Variants in KCNK3 observed in about 807,000 individuals in gnomAD.
KCNK3 encodes potassium channel subfamily K member 3.
Under a neutral mutation model 27.3 loss-of-function variants are expected in KCNK3, and 9 were observed. That is an observed-to-expected ratio of 0.33 (90% confidence interval 0.20 to 0.57). KCNK3 has a LOEUF of 0.57. Ranked by LOEUF, KCNK3 falls within the 20% of genes least tolerant of loss-of-function variation. The pLI, the probability that KCNK3 is intolerant of heterozygous loss-of-function variation, is 0.87. For missense variants in KCNK3, 391 were observed against 577.7 expected (o/e 0.68, Z 3.31); for synonymous variants, 278 against 273.8 (o/e 1.02, Z -0.15).
At chr2:26,694,932 CACA>C (rs966069225) in intron 1 of KCNK3, among the ~76,000 whole-genome samples, 5 of 152,144 alleles carry the variant, frequency 3.3e-5, no homozygotes, top group African/African-American at 1.2e-4. Context: ...CTGCCTACCC[CACA>C]ACAAGGCATG....
chr2:26,694,811 T>A (rs1490949751), intron 1 of KCNK3, among the ~76,000 whole-genome samples: 2 of 152,116 alleles, frequency 1.3e-5, no homozygotes, highest in Non-Finnish European at 2.9e-5. Context: ...AGACTGAACA[T>A]CTTTGGACCC....
At chr2:26,705,734 C>T (rs1441232101) in intron 1 of KCNK3, among the ~76,000 whole-genome samples, 1 of 152,128 alleles carries the variant, frequency 6.6e-6, no homozygotes. Flanking sequence ...CCTTTGTCCA[C>T]ACCATCCCAC....
intron 1 of KCNK3, among the ~76,000 whole-genome samples, chr2:26,723,800 G>A (rs1018923627): frequency 2.0e-5 from 3 of 152,164 alleles, no homozygotes; most frequent in East Asian, 1.9e-4. Context: ...GAGAGGAGGC[G>A]GTATGGATAG....
intron 1 of KCNK3, among the ~76,000 whole-genome samples, chr2:26,707,892 C>T (rs949301606): frequency 2.0e-5 from 3 of 152,076 alleles, no homozygotes; most frequent in African/African-American, 4.8e-5. Context: ...AAGCAGTCCT[C>T]GAACTCAGGT....
At chr2:26,710,238 G>A (rs1408237408) in intron 1 of KCNK3, among the ~76,000 whole-genome samples, 1 of 152,210 alleles carries the variant, frequency 6.6e-6, no homozygotes, top group Non-Finnish European at 1.5e-5. Flanking sequence ...AAGAGCTTGG[G>A]GATCTTTGGG....
intron 1 of KCNK3, among the ~76,000 whole-genome samples, chr2:26,715,794 G>C (rs886675290): frequency 2.0e-5 from 3 of 152,182 alleles, no homozygotes; most frequent in African/African-American, 7.2e-5. Context: ...CCGGCCCCAG[G>C]TCCCTCACCC....
At chr2:26,706,887 G>T (rs551275700) in intron 1 of KCNK3, among the ~76,000 whole-genome samples, 1 of 152,122 alleles carries the variant, frequency 6.6e-6, no homozygotes, top group Admixed American at 6.5e-5. Flanking sequence ...AACCTGGGGC[G>T]AGTCATACCT....
rs958264503 is a variant in KCNK3, at chr2:26,721,333, A to G, written c.284-6334A>G. On this transcript the variant is annotated intron_variant, in intron 1 of 1. Transcript: ENST00000302909. This position sits in a 1 kb window ranked among gnomAD's most constrained non-coding sequence, Gnocchi z 4.3. Reference sequence around the variant, plus strand: ...TCGGGAAAGGCAGTGTCTGAGCTGCATCTCACAGGAGGAGGGAGAGCACCT... The same window carrying G: ...TCGGGAAAGGCAGTGTCTGAGCTGCGTCTCACAGGAGGAGGGAGAGCACCT... 2.6e-5 allele frequency among the ~76,000 whole-genome samples: 4 copies of G among 152,154 alleles called. No homozygotes were observed. Among genetic ancestry groups the G allele is most frequent in the African/African-American group, 9.6e-5 (4 of 41,506 alleles).
intron 1 of KCNK3, among the ~76,000 whole-genome samples, chr2:26,696,230 G>T (rs1392371029): frequency 6.6e-6 from 1 of 152,230 alleles, no homozygotes; most frequent in Admixed American, 6.5e-5. Context: ...TCATGACTTG[G>T]TGAAGTTGCT....
chr2:26,708,066 G>A (rs1250384422), intron 1 of KCNK3, among the ~76,000 whole-genome samples: 1 of 152,190 alleles, frequency 6.6e-6, no homozygotes, highest in Non-Finnish European at 1.5e-5. Flanking sequence ...AGGAAGTAGA[G>A]AGTCAACAAA....
chr2:26,708,655 G>T (rs963685843), intron 1 of KCNK3, among the ~76,000 whole-genome samples: 2 of 152,146 alleles, frequency 1.3e-5, no homozygotes, highest in Admixed American at 6.5e-5. Flanking sequence ...CTCCAGCCTG[G>T]ACAACAAGAG....
At chr2:26,701,714 G>A (rs949222269) in intron 1 of KCNK3, among the ~76,000 whole-genome samples, 1 of 152,190 alleles carries the variant, frequency 6.6e-6, no homozygotes, top group Non-Finnish European at 1.5e-5. Flanking sequence ...GCCAAGGCAG[G>A]GGATCACTTG....
intron 1 of KCNK3, among the ~76,000 whole-genome samples, chr2:26,720,844 A>T (rs1663315958): frequency 2.0e-5 from 3 of 152,230 alleles, no homozygotes; most frequent in Middle Eastern, 6.8e-3. Flanking sequence ...TGGCCTGAAG[A>T]GGGACAAACT....
In KCNK3 at chr2:26,731,849, T is replaced by G. The variant is rs1039751900; in HGVS notation, c.*3281T>G. On this transcript the variant is annotated 3_prime_UTR_variant, in exon 2 of 2. Transcript: ENST00000302909. ...GCAGACCTAGGCTAGGAACTAGGAC[T>G]GGGGATTGCTATTCCAGTGCTCCCC... 6.6e-6 allele frequency: 1 copy of G among 152,098 alleles called. No homozygotes were observed. The highest frequency in any genetic ancestry group is 1.5e-5 in the Non-Finnish European group (1 of 68,030). The allele number at this position is 152,098 out of a possible 1,614,324, so 9.4% of individuals were successfully genotyped here.
Position 26,693,250 on chromosome 2 carries a change from T to A in KCNK3, c.283+92T>A. The A allele has an allele frequency of 1.8e-6, 2 of 1,141,786 alleles. No individual in the cohort carries two copies. The highest frequency in any genetic ancestry group is 2.3e-6 in the Non-Finnish European group (2 of 861,816). 70.7% of individuals were successfully genotyped at this position (1,141,786 alleles called of 1,614,324 possible). A position where few individuals can be genotyped will look rare whatever the true frequency, so the allele number is the denominator to read the frequency against. ...GCCGGCTGGGGCTGGGGGCGGGGGC[T>A]CCCCCGAGAGGGGCTGGGCGCCGAA... On this transcript the variant is annotated intron_variant, in intron 1 of 1. Transcript: ENST00000302909. The surrounding 1 kb of genome is among the most constrained non-coding windows in gnomAD (Gnocchi z 5.5).
In KCNK3 at chr2:26,726,106, CAGAGAG is replaced by C. The variant is rs1168877805; in HGVS notation, c.284-1529_284-1524del. 1.1e-3 allele frequency among the ~76,000 whole-genome samples: 89 copies of C among 81,812 alleles called. No homozygotes were observed. In the East Asian group the frequency reaches 0.019, roughly 17 times the overall value. The allele number at this position is 81,812 out of a possible 152,430, so 53.7% of individuals were successfully genotyped here. A position where few individuals can be genotyped will look rare whatever the true frequency, so the allele number is the denominator to read the frequency against. ...ATACACACACACACACACACACACA[CAGAGAG>C]AGAGAGAGAGAGAGAGAGAGAGAGA... On this transcript the variant is annotated intron_variant, in intron 1 of 1. Transcript: ENST00000302909.
rs572894881 is a variant in KCNK3, at chr2:26,724,951, G to C, written c.284-2716G>C. Among the ~76,000 whole-genome samples, 4 of 152,210 alleles carry C rather than the reference G, an allele frequency of 2.6e-5. No individual in the cohort carries two copies. The South Asian group carries it at 8.3e-4, about 32-fold the overall frequency. ...GGACGGGTCTCTGGGGTGGCCGCAG[G>C]GTATAGCAAAAGAAGGGCAAGGAAG... On this transcript the variant is annotated intron_variant, in intron 1 of 1. Transcript: ENST00000302909.
At chr2:26,714,438 G>A (rs1320057963) in intron 1 of KCNK3, among the ~76,000 whole-genome samples, 1 of 151,824 alleles carries the variant, frequency 6.6e-6, no homozygotes, top group East Asian at 1.9e-4. Flanking sequence ...TCACTATGTT[G>A]GGGACCCCTG....
chr2:26,723,382 T>A (rs1331325563), intron 1 of KCNK3, among the ~76,000 whole-genome samples: 1 of 152,188 alleles, frequency 6.6e-6, no homozygotes, highest in East Asian at 1.9e-4. Context: ...TTGCCTCTGA[T>A]CTCTTGGTTT....
Sources: gnomAD v4.1 joint callset for allele counts (sites outside exome capture counted in the v4.1 genomes callset) on GRCh38, gnomAD v4.1.1 for gene constraint, Gnocchi (gnomAD v3.1) non-coding constraint, MANE v1.5 for transcripts, NCBI Gene and HGNC (gene_info 2026-07-23, HGNC 2026-07-21) for gene names.